The following SH3BP5 variants were observed in gnomAD, a reference collection of about 807,000 sequenced individuals.
The protein encoded by SH3BP5 is SH3 domain binding protein 5, also known as SH3 domain-binding protein 5.
In SH3BP5, 22 loss-of-function variants were observed where a neutral mutation model predicts 43.3. The observed-to-expected ratio is 0.51, with a 90% CI of 0.36 to 0.73. The LOEUF (loss-of-function observed/expected upper bound fraction) is 0.73, where lower values mean the gene tolerates loss of function less well. Among genes scored for constraint, SH3BP5 ranks in the 30% least tolerant of loss-of-function variants. The pLI is 0.00. For synonymous variants in SH3BP5, 255 were observed against 225.8 expected (o/e 1.13, Z -1.16); for missense variants, 529 against 586.9 (o/e 0.90, Z 1.02).
chr3:15,279,780 G>A lies in SH3BP5; in HGVS notation c.331-9903C>T, dbSNP rs752683835. On this transcript the variant is annotated intron_variant, in intron 3 of 8. Coordinates refer to ENST00000383791, the MANE Select transcript of SH3BP5 (RefSeq NM_004844.5). The stretch of plus-strand genomic sequence containing the variant: ...GGGGTGAGTCTGACTCAAGGGTTTC[G>A]GTTGGGGGCATCAGGGAAGGTTCAT... 3.9e-5 allele frequency among the ~76,000 whole-genome samples: 6 copies of A among 152,072 alleles called. No individual in the cohort carries two copies. The East Asian group carries it at 5.8e-4, about 15-fold the overall frequency.
At chr3:15,334,428 G>A (rs568660921), upstream of SH3BP5, among the ~76,000 whole-genome samples, 5 of 152,166 alleles carry the variant, frequency 3.3e-5, no homozygotes, top group East Asian at 3.9e-4. Flanking sequence ...TTAAAAAAAT[G>A]CATATTTAAA....
At chr3:15,278,272 A>T (rs564104235) in intron 3 of SH3BP5, among the ~76,000 whole-genome samples, 2 of 152,348 alleles carry the variant, frequency 1.3e-5, no homozygotes, top group African/African-American at 2.4e-5. Context: ...AACCCAACCG[A>T]GGAAGATCAA....
chr3:15,320,846 T>G (rs1224629473), intron 2 of SH3BP5, among the ~76,000 whole-genome samples: 1 of 152,186 alleles, frequency 6.6e-6, no homozygotes, highest in South Asian at 2.1e-4. Context: ...GGTAGGCACC[T>G]TGAATACAGC....
chr3:15,273,025 G>A (rs1288691900), intron 3 of SH3BP5: 39 of 601,022 alleles, frequency 6.5e-5, no homozygotes, highest in African/African-American at 1.4e-4. Context: ...CAGGGCCTCC[G>A]CAGGCCAAGC....
chr3:15,332,737 CAA>C, upstream of SH3BP5: 1 of 866,546 alleles, frequency 1.2e-6, no homozygotes, highest in Non-Finnish European at 1.4e-6. Context: ...TCCAAGGTGG[CAA>C]AATAGGACAG....
At chr3:15,268,614 G>C (rs552781549) in intron 4 of SH3BP5, among the ~76,000 whole-genome samples, 1 of 152,134 alleles carries the variant, frequency 6.6e-6, no homozygotes, top group East Asian at 1.9e-4. Flanking sequence ...AGCCTGGAAG[G>C]GGGAAGAGGT....
chr3:15,257,522 CTTCT>C (rs1417255232), intron 7 of SH3BP5: 3 of 160,252 alleles, frequency 1.9e-5, no homozygotes, highest in Admixed American at 6.2e-5. Context: ...TGGACTCAGG[CTTCT>C]TTCTTAGGGC....
chr3:15,266,359 G>A (rs1031125187), intron 4 of SH3BP5, among the ~76,000 whole-genome samples: 2 of 152,212 alleles, frequency 1.3e-5, no homozygotes, highest in Non-Finnish European at 2.9e-5. Flanking sequence ...AGAAGGGCTG[G>A]CCCTGCGTCG....
chr3:15,290,255 G>A (rs13322836), intron 3 of SH3BP5, among the ~76,000 whole-genome samples: 1,835 of 151,754 alleles, frequency 0.012, 28 homozygotes, highest in African/African-American at 0.042. Flanking sequence ...TAGGCTGGGC[G>A]CGGTGGCTCA....
At chr3:15,313,512 C>A (rs528906263) in intron 2 of SH3BP5, among the ~76,000 whole-genome samples, 7 of 152,226 alleles carry the variant, frequency 4.6e-5, no homozygotes, top group Admixed American at 3.9e-4. Flanking sequence ...TTCACTATCA[C>A]TTTTAATGGC....
At position 15,332,308 on chromosome 3, in the gene SH3BP5, C is replaced by T; in HGVS notation, c.101G>A (p.Gly34Glu). Residue 34 changes from glycine (G) to glutamate (E), a missense_variant, in exon 1 of 9, where the codon GGG (glycine) becomes GAG (glutamate). Physicochemically the swap from Gly to Glu is moderately conservative, Grantham distance 98 (BLOSUM62 -2). Coordinates refer to ENST00000383791, the MANE Select transcript of SH3BP5 (RefSeq NM_004844.5). ...EEEEEEGMEQ[G>E]LEEEEEVDPR... ...ATCCACCTCTTCTTCCTCCTCCAGC[C>T]CCTGCTCCATCCCCTCTTCCTCCTC... is the stretch of plus-strand genomic sequence containing the variant. 6.5e-7 allele frequency: 1 copy of T among 1,548,008 alleles called. No individual in the cohort carries two copies. Among genetic ancestry groups the T allele is most frequent in the Non-Finnish European group, 8.7e-7 (1 of 1,149,162 alleles).
chr3:15,288,688 C>T (rs1008118590), intron 3 of SH3BP5, among the ~76,000 whole-genome samples: 39 of 152,050 alleles, frequency 2.6e-4, no homozygotes, highest in African/African-American at 8.9e-4. Flanking sequence ...TGCAGTGAGC[C>T]GGGATTGCAC....
chr3:15,259,292 C>T (rs9851648), intron 6 of SH3BP5: 124,418 of 579,676 alleles, frequency 0.21, 20,726 homozygotes, highest in African/African-American at 0.62. Flanking sequence ...ACTGGTGGAA[C>T]AAACCCCATC....
chr3:15,277,709 G>A (rs1219174755), intron 3 of SH3BP5, among the ~76,000 whole-genome samples: 1 of 152,096 alleles, frequency 6.6e-6, no homozygotes, highest in East Asian at 1.9e-4. Flanking sequence ...AGAGGCACAG[G>A]CCTCCTACTG....
chr3:15,337,365 G>A (rs540632532), upstream of SH3BP5, among the ~76,000 whole-genome samples: 21 of 152,112 alleles, frequency 1.4e-4, no homozygotes, highest in African/African-American at 4.8e-4. Flanking sequence ...GAGAGCCACC[G>A]TGCCCGGCCA....
intron 2 of SH3BP5, among the ~76,000 whole-genome samples, chr3:15,306,245 G>A (rs1351369530): frequency 6.6e-6 from 1 of 152,174 alleles, no homozygotes; most frequent in Non-Finnish European, 1.5e-5. Flanking sequence ...TGTAGTCCCA[G>A]CTACTTGGGA....
chr3:15,273,042 G>A lies in SH3BP5; in HGVS notation c.331-3165C>T, dbSNP rs563004776. 3.1e-5 allele frequency: 23 copies of A among 748,562 alleles called. 1 individual carries two copies. Among genetic ancestry groups the A allele is most frequent in the African/African-American group, 5.7e-5 (3 of 52,526 alleles). 46.4% of individuals were successfully genotyped at this position (748,562 alleles called of 1,614,324 possible). A position where few individuals can be genotyped will look rare whatever the true frequency, so the allele number is the denominator to read the frequency against. On this transcript the variant is annotated intron_variant, in intron 3 of 8. Coordinates refer to ENST00000383791, the MANE Select transcript of SH3BP5 (RefSeq NM_004844.5). ...GGGCCTCCGCAGGCCAAGCTGCTGG[G>A]AACGAGAGGAAGCAGAGGGAACCTG...
rs948089409 is a variant in SH3BP5, at chr3:15,309,912, C to CG, written c.202-5682_202-5681insC. Among the ~76,000 whole-genome samples, 14 of 144,716 alleles carry CG rather than the reference C, an allele frequency of 9.7e-5. No individual in the cohort carries two copies. The East Asian group carries it at 1.9e-3, about 20-fold the overall frequency. 94.9% of individuals were successfully genotyped at this position (144,716 alleles called of 152,430 possible). A position where few individuals can be genotyped will look rare whatever the true frequency, so the allele number is the denominator to read the frequency against. On this transcript the variant is annotated intron_variant, in intron 2 of 8. Transcript: ENST00000383791. The stretch of plus-strand genomic sequence containing the variant: ...AGCCAGTCTTCCCCGCTCCACCCCC[C>CG]CCCCATAAGAAAAAGCCCACCCAGT...
chr3:15,303,634 A>G (rs1371259153), intron 3 of SH3BP5, among the ~76,000 whole-genome samples: 2 of 152,052 alleles, frequency 1.3e-5, no homozygotes, highest in Admixed American at 1.3e-4. Flanking sequence ...GACGATGGCC[A>G]CGGAAGTCAG....
Sources: allele counts gnomAD v4.1 joint callset (sites outside exome capture counted in the v4.1 genomes callset), GRCh38; gene constraint gnomAD v4.1.1; transcripts MANE v1.5; gene names NCBI Gene and HGNC (gene_info 2026-07-23, HGNC 2026-07-21).